FAM83A: variants seen among roughly 807,000 people sequenced by gnomAD.
FAM83A encodes the protein scaffolding CK1 anchoring protein A.
FAM83A carries 21 observed loss-of-function variants against 24.4 expected under a neutral mutation model. The observed-to-expected ratio is 0.86, with a 90% CI of 0.61 to 1.24. The LOEUF is 1.24. FAM83A is among the 50% of genes most tolerant of loss of function. The pLI is 0.00. For missense variants in FAM83A, 617 were observed against 579.8 expected (o/e 1.06, Z -0.66); for synonymous variants, 270 against 252.4 (o/e 1.07, Z -0.66).
At chr8:123,180,671 G>A (rs959365347), upstream of FAM83A, 1 of 152,544 alleles carries the variant, frequency 6.6e-6, no homozygotes, top group African/African-American at 2.4e-5. Flanking sequence ...CCAGACCAGA[G>A]AGGAAGGAAG....
At chr8:123,185,571 C>A (rs890025683) in intron 1 of FAM83A, among the ~76,000 whole-genome samples, 4 of 152,204 alleles carry the variant, frequency 2.6e-5, no homozygotes, top group Non-Finnish European at 4.4e-5. Context: ...AAAGTTAGAA[C>A]TTCCAGCTCC....
chr8:123,188,670 A>G (rs1823882726), intron 1 of FAM83A, among the ~76,000 whole-genome samples: 1 of 151,928 alleles, frequency 6.6e-6, no homozygotes, highest in African/African-American at 2.4e-5. Flanking sequence ...TTTAGTAGAG[A>G]TGGGGTTTCG....
At chr8:123,188,772 C>G (rs1041286433) in intron 1 of FAM83A, among the ~76,000 whole-genome samples, 1 of 152,322 alleles carries the variant, frequency 6.6e-6, no homozygotes, top group Middle Eastern at 3.4e-3. Context: ...CATAAGCCAC[C>G]GTGCCTGGCC....
exon 4 of FAM83A, chr8:123,207,457 C>T (rs1824596990): frequency 6.3e-7 from 1 of 1,594,030 alleles, no homozygotes; most frequent in Non-Finnish European, 8.5e-7. Flanking sequence ...CCTGTAGCCC[C>T]GCGGCCCCAC....
intron 3 of FAM83A, among the ~76,000 whole-genome samples, chr8:123,196,343 A>G (rs937255497): frequency 6.6e-6 from 1 of 152,184 alleles, no homozygotes; most frequent in African/African-American, 2.4e-5. Flanking sequence ...TAGTTTTATC[A>G]TCTCTGTCTT....
intron 1 of FAM83A, among the ~76,000 whole-genome samples, chr8:123,190,752 A>T (rs779699966): frequency 6.6e-6 from 1 of 152,184 alleles, no homozygotes; most frequent in African/African-American, 2.4e-5. Flanking sequence ...GGCTGGAACC[A>T]GGTGTCCAAA....
chr8:123,189,219 G>A (rs920276980), intron 1 of FAM83A, among the ~76,000 whole-genome samples: 1 of 152,172 alleles, frequency 6.6e-6, no homozygotes, highest in African/African-American at 2.4e-5. Context: ...CTCATTATTA[G>A]AACATCTTTT....
At chr8:123,193,092 A>G (rs1003331281) in intron 2 of FAM83A, among the ~76,000 whole-genome samples, 3 of 152,168 alleles carry the variant, frequency 2.0e-5, no homozygotes, top group Non-Finnish European at 2.9e-5. Context: ...AGACTCCCAC[A>G]CTTTACCCAC....
At chr8:123,208,899 G>A in exon 4 of FAM83A, 2 of 972,354 alleles carry the variant, frequency 2.1e-6, no homozygotes, top group Non-Finnish European at 2.4e-6. Context: ...AGGAAGCAGA[G>A]GTTGCAATGA....
intron 3 of FAM83A, among the ~76,000 whole-genome samples, chr8:123,206,779 G>A (rs1824564182): frequency 6.6e-6 from 1 of 152,166 alleles, no homozygotes; most frequent in African/African-American, 2.4e-5. Context: ...CTGCCAGGAT[G>A]AAATGAGCCC....
intron 3 of FAM83A, chr8:123,201,408 C>G (rs932594551): frequency 2.0e-5 from 3 of 152,172 alleles, no homozygotes; most frequent in Non-Finnish European, 2.9e-5. Flanking sequence ...ACATGCAGGG[C>G]CGTCTGTGTT....
At chr8:123,186,616 G>A (rs1210249011) in intron 1 of FAM83A, among the ~76,000 whole-genome samples, 3 of 152,102 alleles carry the variant, frequency 2.0e-5, no homozygotes, top group Admixed American at 2.0e-4. Context: ...GATCTCCTGA[G>A]GTCAGGAGTT....
intron 3 of FAM83A, chr8:123,201,742 T>G (rs1824366106): frequency 6.6e-6 from 1 of 152,230 alleles, no homozygotes; most frequent in African/African-American, 2.4e-5. Context: ...GGGCTGAGGT[T>G]GTGCATTTCA....
intron 3 of FAM83A, among the ~76,000 whole-genome samples, chr8:123,205,689 A>T (rs1425304450): frequency 6.6e-6 from 1 of 151,526 alleles, no homozygotes; most frequent in East Asian, 1.9e-4. Context: ...TCCCCCGACC[A>T]TCCTCTCCCT....
intron 3 of FAM83A, among the ~76,000 whole-genome samples, chr8:123,197,598 C>T (rs567405764): frequency 6.6e-6 from 1 of 152,148 alleles, no homozygotes; most frequent in Admixed American, 6.5e-5. Context: ...TTCCCCCTTT[C>T]GGCGATTGTG....
intron 3 of FAM83A, among the ~76,000 whole-genome samples, chr8:123,198,615 T>A (rs1004354304): frequency 1.3e-5 from 2 of 152,230 alleles, no homozygotes; most frequent in Non-Finnish European, 2.9e-5. Context: ...ACAGAATGTC[T>A]GTCTTCAGCT....
chr8:123,207,445 G>A, exon 4 of FAM83A: 1 of 1,602,128 alleles, frequency 6.2e-7, no homozygotes. Flanking sequence ...CGTCTTCAGG[G>A]CCCTGTAGCC....
At chr8:123,205,215 A>G (rs1400708363) in intron 3 of FAM83A, among the ~76,000 whole-genome samples, 1 of 152,118 alleles carries the variant, frequency 6.6e-6, no homozygotes, top group Non-Finnish European at 1.5e-5. Context: ...AATCGGGGAC[A>G]CAGGTGCTGG....
chr8:123,206,327 G>A (rs1037596034), intron 3 of FAM83A, among the ~76,000 whole-genome samples: 1 of 152,084 alleles, frequency 6.6e-6, no homozygotes, highest in Admixed American at 6.5e-5. Flanking sequence ...CAGCGTCAAC[G>A]GGAGGCGCAC....
Sources: allele counts gnomAD v4.1 joint callset (sites outside exome capture counted in the v4.1 genomes callset), GRCh38; gene constraint gnomAD v4.1.1; transcripts MANE v1.5; gene names NCBI Gene and HGNC (gene_info 2026-07-23, HGNC 2026-07-21).